MIPOL1: variants seen among roughly 807,000 people sequenced by gnomAD.
The protein encoded by MIPOL1 is mirror-image polydactyly 1.
Under a neutral mutation model 60.9 loss-of-function variants are expected in MIPOL1, and 57 were observed. The ratio of observed to expected loss-of-function variants is 0.94; its 90% confidence interval spans 0.76 to 1.17. The LOEUF (loss-of-function observed/expected upper bound fraction) is 1.17. Among genes scored for constraint, MIPOL1 ranks in the 50% most tolerant of loss-of-function variants. MIPOL1 has a pLI of 0.00. For missense variants in MIPOL1, 551 were observed against 511.6 expected (o/e 1.08, Z -0.74); for synonymous variants, 179 against 168.8 (o/e 1.06, Z -0.47).
At chr14:37,424,074 A>G (rs1248449663) in intron 11 of MIPOL1, among the ~76,000 whole-genome samples, 4 of 152,192 alleles carry the variant, frequency 2.6e-5, no homozygotes, top group Non-Finnish European at 5.9e-5. Flanking sequence ...CTGTAGTTCC[A>G]TAAGAGTTGG....
chr14:37,336,728 C>T (rs953808605), intron 9 of MIPOL1, among the ~76,000 whole-genome samples: 3 of 151,730 alleles, frequency 2.0e-5, no homozygotes, highest in African/African-American at 7.3e-5. Flanking sequence ...TTTTCCTTTT[C>T]ATATGCCTTG....
chr14:37,537,017 G>T (rs918592735), intron 12 of MIPOL1, among the ~76,000 whole-genome samples: 1 of 152,060 alleles, frequency 6.6e-6, no homozygotes, highest in Non-Finnish European at 1.5e-5. Context: ...TTGCTGAAAT[G>T]TATCTAAACA....
chr14:37,368,043 GTGAATTAAGTTATCATACAGC>G (rs1243364803), intron 9 of MIPOL1, among the ~76,000 whole-genome samples: 1 of 151,948 alleles, frequency 6.6e-6, no homozygotes, highest in Non-Finnish European at 1.5e-5. Context: ...AATGTGATAG[GTGAATTAAGTTATCATACAGC>G]TGATGATGGA....
chr14:37,530,297 C>A (rs1566781945), intron 12 of MIPOL1, among the ~76,000 whole-genome samples: 2 of 152,084 alleles, frequency 1.3e-5, no homozygotes, highest in Non-Finnish European at 2.9e-5. Context: ...ATTTCATTTT[C>A]TTTTGTGTAA....
At chr14:37,380,844 T>C (rs1215886240) in intron 10 of MIPOL1, among the ~76,000 whole-genome samples, 1 of 152,170 alleles carries the variant, frequency 6.6e-6, no homozygotes, top group East Asian at 1.9e-4. Context: ...AATACTTGAA[T>C]GACGGCACAA....
chr14:37,350,729 A>G (rs994116622), intron 9 of MIPOL1, among the ~76,000 whole-genome samples: 2 of 152,014 alleles, frequency 1.3e-5, no homozygotes, highest in African/African-American at 4.8e-5. Flanking sequence ...CCAGCCCTCA[A>G]CTACCCTTCC....
At chr14:37,398,187 A>G (rs2153527410) in intron 10 of MIPOL1, among the ~76,000 whole-genome samples, 1 of 152,114 alleles carries the variant, frequency 6.6e-6, no homozygotes, top group South Asian at 2.1e-4. Flanking sequence ...AGCTCTCTAA[A>G]TTGACTCAGC....
intron 12 of MIPOL1, among the ~76,000 whole-genome samples, chr14:37,521,431 AATGAACACAATT>A (rs1457257159): frequency 1.3e-5 from 2 of 152,152 alleles, no homozygotes; most frequent in Non-Finnish European, 2.9e-5. Flanking sequence ...AGTGTGATCA[AATGAACACAATT>A]TATAGATCTC....
rs187107652 is a variant in MIPOL1 at position 37,270,085 on chromosome 14, T to C, written c.388-335T>C. On this transcript the variant is annotated intron_variant, in intron 5 of 12. Transcript: ENST00000684589. The stretch of plus-strand genomic sequence containing the variant: ...CTCAGGTGATCTGCCCACCTCGGCC[T>C]CCCAAAGGGCTGGGATTACAGGCGT... Among the ~76,000 whole-genome samples the C allele has an allele frequency of 2.7e-3, 405 of 152,226 alleles. 1 individual carries two copies. The highest frequency in any genetic ancestry group is 2.9e-3 in the Non-Finnish European group (197 of 68,004).
At chr14:37,252,014 T>C (rs1317675422) in intron 3 of MIPOL1, among the ~76,000 whole-genome samples, 2 of 151,716 alleles carry the variant, frequency 1.3e-5, no homozygotes, top group African/African-American at 4.8e-5. Flanking sequence ...AATTAAATAT[T>C]AAATCTGCTA....
rs560928145 is a variant in MIPOL1, at chr14:37,487,141, T to TA, written c.1032-12767_1032-12766insA. Among the ~76,000 whole-genome samples, 461 of 152,342 alleles carry TA rather than the reference T, an allele frequency of 3.0e-3. 3 individuals are homozygous for TA. Among genetic ancestry groups the TA allele is most frequent in the African/African-American group, 0.01 (427 of 41,572 alleles). On this transcript the variant is annotated intron_variant, in intron 11 of 12. Coordinates refer to ENST00000684589, the MANE Select transcript of MIPOL1 (RefSeq NM_001388067.1). The stretch of plus-strand genomic sequence containing the variant: ...TGTTTATATGATGGATTACATTTAT[T>TA]GATTTGCATATGTTGAACCATCCTT...
chr14:37,508,052 TATTTTATTG>T (rs2095295371), intron 12 of MIPOL1, among the ~76,000 whole-genome samples: 1 of 152,192 alleles, frequency 6.6e-6, no homozygotes, highest in Admixed American at 6.6e-5. Flanking sequence ...GCTATTAGCC[TATTTTATTG>T]AGTTTAAGAG....
intron 9 of MIPOL1, among the ~76,000 whole-genome samples, chr14:37,324,510 G>GTTTT (rs2088939631): frequency 6.6e-6 from 1 of 151,944 alleles, no homozygotes; most frequent in South Asian, 2.1e-4. Flanking sequence ...TTTTCTCCCA[G>GTTTT]TTTTTGCTTG....
chr14:37,316,088 G>A (rs575337359), intron 9 of MIPOL1, among the ~76,000 whole-genome samples: 40 of 151,678 alleles, frequency 2.6e-4, no homozygotes, highest in Admixed American at 5.3e-4. Context: ...ATGCAGTGGC[G>A]TGATATAAGC....
At chr14:37,479,497 A>G (rs1221151734) in intron 11 of MIPOL1, among the ~76,000 whole-genome samples, 1 of 152,188 alleles carries the variant, frequency 6.6e-6, no homozygotes, top group Non-Finnish European at 1.5e-5. Context: ...GAGACAAATG[A>G]AAATTGAAAC....
At chr14:37,445,232 A>G (rs1170302031) in intron 11 of MIPOL1, among the ~76,000 whole-genome samples, 1 of 152,008 alleles carries the variant, frequency 6.6e-6, no homozygotes, top group East Asian at 1.9e-4. Context: ...GCAAAGTCTC[A>G]GGATACAAAA....
intron 1 of MIPOL1, among the ~76,000 whole-genome samples, chr14:37,233,189 C>T (rs1319831932): frequency 6.6e-6 from 1 of 152,098 alleles, no homozygotes; most frequent in Non-Finnish European, 1.5e-5. Flanking sequence ...CTAAAATTTC[C>T]AGTCATTCTT....
chr14:37,399,211 A>G (rs531155257), intron 10 of MIPOL1, among the ~76,000 whole-genome samples: 10 of 152,294 alleles, frequency 6.6e-5, no homozygotes, highest in South Asian at 2.1e-4. Context: ...GAAACCATAC[A>G]ATAATGTGTG....
chr14:37,287,469 G>T (rs2084669623), intron 7 of MIPOL1, among the ~76,000 whole-genome samples: 1 of 151,980 alleles, frequency 6.6e-6, no homozygotes, highest in Non-Finnish European at 1.5e-5. Flanking sequence ...GCCCAGGCTG[G>T]TGTCAAACTC....
Sources: allele counts gnomAD v4.1 joint callset (sites outside exome capture counted in the v4.1 genomes callset), GRCh38; gene constraint gnomAD v4.1.1; transcripts MANE v1.5; gene names NCBI Gene and HGNC (gene_info 2026-07-23, HGNC 2026-07-21).